DDX60: variants seen among roughly 807,000 people sequenced by gnomAD.
The protein encoded by DDX60 is DExD/H-box helicase 60.
DDX60 carries 165 observed loss-of-function variants against 212.8 expected under a neutral mutation model. That is an observed-to-expected ratio of 0.78 (90% CI 0.68 to 0.88). DDX60 has a LOEUF of 0.88. Among genes scored for constraint, DDX60 ranks in the 40% least tolerant of loss-of-function variants. The pLI is 0.00. For missense variants in DDX60, 1,905 were observed against 2,003.9 expected (o/e 0.95, Z 0.94); for synonymous variants, 703 against 685.3 (o/e 1.03, Z -0.40).
intron 7 of DDX60, among the ~76,000 whole-genome samples, chr4:168,292,593 T>C (rs1429686926): frequency 2.6e-5 from 4 of 152,156 alleles, no homozygotes; most frequent in Non-Finnish European, 4.4e-5. Flanking sequence ...CTCTATCCCA[T>C]CCAAGGCATC....
rs1180685270 is a variant in DDX60 at position 168,268,002 on chromosome 4, A to G, written c.2787-19T>C. The G allele has an allele frequency of 2.5e-6, 4 of 1,596,698 alleles. No individual in the cohort carries two copies. The highest frequency in any genetic ancestry group is 1.7e-5 in the Admixed American group (1 of 57,928). On this transcript the variant is annotated intron_variant, in intron 20 of 37. Transcript: ENST00000393743. The stretch of plus-strand genomic sequence containing the variant: ...TAGCCACCTTAAAAAATAAATGTAC[A>G]TATTATTTAGGCAGAACATGGAACT...
intron 1 of DDX60, among the ~76,000 whole-genome samples, chr4:168,311,885 C>A (rs981312879): frequency 6.6e-6 from 1 of 152,130 alleles, no homozygotes; most frequent in African/African-American, 2.4e-5. Context: ...GGATTTTAAG[C>A]AGGTGGTATT....
chr4:168,231,133 A>T (rs1455969245), intron 33 of DDX60, among the ~76,000 whole-genome samples: 1 of 152,074 alleles, frequency 6.6e-6, no homozygotes. Flanking sequence ...GGAAATATAC[A>T]AATCTCCTAG....
intron 33 of DDX60, 126 bp downstream of exon 33, chr4:168,236,126 A>G: frequency 1.1e-6 from 1 of 904,076 alleles, no homozygotes. Flanking sequence ...TACAAAAAGA[A>G]CAAATTATTC....
chr4:168,236,759 G>A (rs930344007), intron 32 of DDX60, among the ~76,000 whole-genome samples: 17 of 151,710 alleles, frequency 1.1e-4, no homozygotes, highest in Admixed American at 8.5e-4. Context: ...GGATAAAATT[G>A]TGCTATTTTT....
At chr4:168,273,784 T>C (rs778071641) in intron 17 of DDX60, 150 bp downstream of exon 17, 29 of 754,582 alleles carry the variant, frequency 3.8e-5, no homozygotes, top group Admixed American at 1.2e-4. Context: ...TGTGTATATG[T>C]ATATGTATAT....
chr4:168,278,116 A>G (rs72693154), intron 14 of DDX60, among the ~76,000 whole-genome samples: 7,264 of 152,282 alleles, frequency 0.048, 269 homozygotes, highest in East Asian at 0.14. Context: ...GGCAATTCAG[A>G]TATGCCAAAA....
chr4:168,274,212 C>T (rs548351161), intron 16 of DDX60, 129 bp from the exon 17 acceptor site: 1 of 1,112,634 alleles, frequency 9.0e-7, no homozygotes, highest in South Asian at 1.6e-5. Context: ...CTGAAGGTCT[C>T]ATGTCATTCT....
Position 168,237,436 on chromosome 4 carries a change from C to CA in DDX60, c.4270-10dup. ...TCTTGATCTAAATAGCCCTAAAGAA[C>CA]AAAAAACAATTTATTAGTTTGACTC... On this transcript the variant is annotated splice_polypyrimidine_tract_variant and intron_variant, in intron 31 of 37. Transcript: ENST00000393743. The CA allele has an allele frequency of 6.5e-7, 1 of 1,546,220 alleles. No individual in the cohort carries two copies. The highest frequency in any genetic ancestry group is 2.3e-5 in the East Asian group (1 of 42,934).
At chr4:168,226,688 A>C (rs1733266724) in intron 33 of DDX60, among the ~76,000 whole-genome samples, 1 of 152,054 alleles carries the variant, frequency 6.6e-6, no homozygotes. Context: ...CTATTCTTTT[A>C]GTTATTCAGC....
At chr4:168,265,790 T>C (rs1324664342) in intron 22 of DDX60, among the ~76,000 whole-genome samples, 5 of 130,762 alleles carry the variant, frequency 3.8e-5, no homozygotes, top group Non-Finnish European at 7.7e-5. Flanking sequence ...AGATAACTCC[T>C]GGATATCATA....
chr4:168,308,024 G>A lies in DDX60; in HGVS notation c.246C>T (p.Phe82=), dbSNP rs757277337. The change falls in exon 4 of 38, where the codon TTC becomes TTT. Residue 82 remains phenylalanine (F), a synonymous_variant. Coordinates refer to ENST00000393743, the MANE Select transcript of DDX60 (RefSeq NM_017631.6). ...ATGTTACCTTGAAGAAAACTATGGT[G>A]AATTGTCCTCCTTTGCTAATAAGAT... The part of the protein sequence containing the change: ...LVDLISKGGQ[F]TIVFFKDAEY... The A allele has an allele frequency of 2.9e-5, 46 of 1,593,534 alleles. No homozygotes were observed. The South Asian group carries it at 5.3e-4, about 18-fold the overall frequency.
chr4:168,264,187 C>T (rs1034070443), intron 22 of DDX60, among the ~76,000 whole-genome samples: 2 of 152,140 alleles, frequency 1.3e-5, no homozygotes, highest in Non-Finnish European at 2.9e-5. Context: ...GCTAGTTCCT[C>T]ATCCATAATA....
At chr4:168,220,069 A>G (rs1406660705) in intron 37 of DDX60, among the ~76,000 whole-genome samples, 1 of 152,030 alleles carries the variant, frequency 6.6e-6, no homozygotes, top group African/African-American at 2.4e-5. Context: ...AAAGATGGAC[A>G]TGCAACTAAG....
At chr4:168,265,864 AG>A (rs1734824304) in intron 22 of DDX60, among the ~76,000 whole-genome samples, 4 of 138,134 alleles carry the variant, frequency 2.9e-5, no homozygotes, top group Admixed American at 7.6e-5. Context: ...AGGGAAGGGA[AG>A]GGAAGGGAAG....
chr4:168,275,424 T>C lies in DDX60; in HGVS notation c.2225A>G (p.Tyr742Cys). The change falls in exon 16 of 38, where the codon TAC becomes TGC. Residue 742 changes from tyrosine to cysteine, a missense_variant. Tyr to Cys is a radical substitution (Grantham distance 194). Transcript: ENST00000393743. ...ATCTCGTATCAAATAATGGCCCATG[T>C]ATTGCAGTTGGAACCGAGCTGGCCC... is the stretch of plus-strand genomic sequence containing the variant. Reference protein sequence around the residue: ...GIGPARFQLQYMGHYLIRDER... With the variant: ...GIGPARFQLQCMGHYLIRDER... 1 of 1,613,410 alleles carries C rather than the reference T, an allele frequency of 6.2e-7. No individual in the cohort carries two copies. Among genetic ancestry groups the C allele is most frequent in the Non-Finnish European group, 8.5e-7 (1 of 1,179,676 alleles).
Position 168,217,086 on chromosome 4 carries a change from A to G in DDX60, c.5040-54T>C, listed in dbSNP as rs1257971415. 1.3e-5 allele frequency: 15 copies of G among 1,192,058 alleles called. No individual in the cohort carries two copies. The Admixed American group carries it at 3.5e-4, about 28-fold the overall frequency. 73.8% of individuals were successfully genotyped at this position (1,192,058 alleles called of 1,614,324 possible). On this transcript the variant is annotated intron_variant, in intron 37 of 37. Transcript: ENST00000393743. ...CACTTTAGTGAGATTGAATATTATAAGAAAGGCTTTCCTTGGTTAGGCAGA... is the reference window on the plus strand; with the variant it reads ...CACTTTAGTGAGATTGAATATTATAGGAAAGGCTTTCCTTGGTTAGGCAGA...
intron 6 of DDX60, among the ~76,000 whole-genome samples, chr4:168,297,200 C>A (rs999989656): frequency 1.3e-5 from 2 of 150,816 alleles, no homozygotes; most frequent in African/African-American, 2.4e-5. Context: ...TAAGCCACCA[C>A]GCCCAGCCAA....
At chr4:168,269,073 C>T (rs973957187) in intron 19 of DDX60, 104 bp from the exon 20 acceptor site, 4 of 559,162 alleles carry the variant, frequency 7.2e-6, no homozygotes, top group African/African-American at 5.6e-5. Context: ...GCCTTCCCAT[C>T]GCCTTTAAGT....
Sources: gnomAD v4.1 joint callset for allele counts (sites outside exome capture counted in the v4.1 genomes callset) on GRCh38, gnomAD v4.1.1 for gene constraint, MANE v1.5 for transcripts, NCBI Gene and HGNC (gene_info 2026-07-23, HGNC 2026-07-21) for gene names.